Variants in KAT6A observed in about 807,000 individuals in gnomAD.
The protein encoded by KAT6A is lysine acetyltransferase 6A, also known as histone acetyltransferase KAT6A.
Under a neutral mutation model 198.4 loss-of-function variants are expected in KAT6A, and 9 were observed. The observed-to-expected ratio is 0.05, with a 90% CI of 0.03 to 0.08. The LOEUF is 0.08. Ranked by LOEUF, KAT6A falls within the 10% of genes least tolerant of loss-of-function variation. The pLI is 1.00. For missense variants in KAT6A, 2,077 were observed against 2,509.9 expected (o/e 0.83, Z 3.69); for synonymous variants, 890 against 883.0 (o/e 1.01, Z -0.14).
chr8:41,934,787 G>A lies in KAT6A; in HGVS notation c.3433C>T (p.Pro1145Ser). ...GGCCATCCCTTTTTCTTTTTCAAAG[G>A]TGTGGATGTATCTGGCTCAAGAGGA... ...NSPLEPDTST[P>S]LKKKKGWPKG... Residue 1145 changes from proline (P) to serine (S), a missense_variant, in exon 17 of 17, where the codon CCT becomes TCT. Physicochemically the swap from Pro to Ser is moderately conservative, Grantham distance 74. Around this residue, in one of 13 missense-constraint regions of KAT6A, gnomAD observed 375 missense variants for 383.0 expected, o/e 0.98. Transcript: ENST00000265713. 1 of 1,613,942 alleles carries A rather than the reference G, an allele frequency of 6.2e-7. No homozygotes were observed. Among genetic ancestry groups the A allele is most frequent in the South Asian group, 1.1e-5 (1 of 91,080 alleles).
At chr8:42,033,933 A>G (rs1033435789) in intron 2 of KAT6A, among the ~76,000 whole-genome samples, 22 of 152,206 alleles carry the variant, frequency 1.4e-4, no homozygotes, top group African/African-American at 5.3e-4. Flanking sequence ...GAGACAGGCT[A>G]AAAAAGTACT....
chr8:41,976,229 T>C (rs766582492), intron 7 of KAT6A, among the ~76,000 whole-genome samples: 29 of 152,238 alleles, frequency 1.9e-4, no homozygotes, highest in Non-Finnish European at 3.8e-4. Flanking sequence ...ACTACACCTC[T>C]GGCCCTTGTG....
chr8:42,049,727 GA>G (rs1419495834), intron 1 of KAT6A: 1 of 152,060 alleles, frequency 6.6e-6, no homozygotes, highest in Non-Finnish European at 1.5e-5. Flanking sequence ...AAGTAAAAGT[GA>G]ATCTTTCATC....
chr8:42,030,753 T>C (rs965924436), intron 2 of KAT6A, among the ~76,000 whole-genome samples: 1 of 151,876 alleles, frequency 6.6e-6, no homozygotes, highest in African/African-American at 2.4e-5. Context: ...TGTTGTTGTA[T>C]TTTTAGTAGA....
At chr8:42,040,735 C>CAAAAAAAA (rs59959496) in intron 2 of KAT6A, among the ~76,000 whole-genome samples, 71 of 54,536 alleles carry the variant, frequency 1.3e-3, no homozygotes, top group African/African-American at 3.3e-3. Flanking sequence ...GACTCTGTCT[C>CAAAAAAAA]AAAAAAAAAA....
chr8:42,029,071 A>G (rs1826981125), intron 2 of KAT6A, among the ~76,000 whole-genome samples: 1 of 152,162 alleles, frequency 6.6e-6, no homozygotes, highest in South Asian at 2.1e-4. Context: ...TGTTAGGTGT[A>G]GTATTCTTGG....
chr8:42,018,005 C>T, intron 2 of KAT6A, among the ~76,000 whole-genome samples: 1 of 152,156 alleles, frequency 6.6e-6, no homozygotes, highest in Middle Eastern at 3.2e-3. Context: ...AAGACGAGGG[C>T]ATGAACCAAG....
chr8:42,023,696 A>G (rs1826659887), intron 2 of KAT6A, among the ~76,000 whole-genome samples: 1 of 151,918 alleles, frequency 6.6e-6, no homozygotes, highest in African/African-American at 2.4e-5. Flanking sequence ...CATGTTGCCC[A>G]AGTTGGTTGC....
At chr8:42,036,050 C>T (rs1322033830) in intron 2 of KAT6A, among the ~76,000 whole-genome samples, 1 of 151,772 alleles carries the variant, frequency 6.6e-6, no homozygotes, top group Non-Finnish European at 1.5e-5. Context: ...GCAAAGCGGG[C>T]AGAAATAAGC....
At chr8:42,009,601 T>C (rs1431716756) in intron 2 of KAT6A, among the ~76,000 whole-genome samples, 2 of 151,834 alleles carry the variant, frequency 1.3e-5, no homozygotes, top group African/African-American at 2.4e-5. Flanking sequence ...ATATTAAACA[T>C]TAACATCCTT....
chr8:41,940,214 A>C (rs544964281), intron 15 of KAT6A, among the ~76,000 whole-genome samples: 1 of 152,346 alleles, frequency 6.6e-6, no homozygotes, highest in Admixed American at 6.5e-5. Flanking sequence ...GGCTTAACAG[A>C]ATTCATTATC....
intron 2 of KAT6A, among the ~76,000 whole-genome samples, chr8:42,039,491 T>C (rs1179827606): frequency 6.6e-6 from 1 of 152,196 alleles, no homozygotes; most frequent in Non-Finnish European, 1.5e-5. Context: ...TTAAGGAGAT[T>C]CTTACAGCTT....
rs748552811 is a variant in KAT6A, at chr8:41,978,781, T to TA, written c.908-5dup. The TA allele has an allele frequency of 1.5e-5, 24 of 1,611,454 alleles. No homozygotes were observed. Among genetic ancestry groups the TA allele is most frequent in the Middle Eastern group, 1.6e-4 (1 of 6,070 alleles). ...CATATTTGACATATCCACATGCCTA[T>TA]AAAAAAATAAAATTCCACATAGAAG... On this transcript the variant is annotated splice_region_variant and splice_polypyrimidine_tract_variant and intron_variant, in intron 5 of 16. Transcript: ENST00000265713.
intron 2 of KAT6A, among the ~76,000 whole-genome samples, chr8:42,015,445 A>G (rs1478077211): frequency 1.3e-5 from 2 of 152,226 alleles, no homozygotes; most frequent in Non-Finnish European, 2.9e-5. Context: ...AATTACTGCC[A>G]CTCATAAAAC....
chr8:41,967,058 A>G (rs1371739572), intron 8 of KAT6A, among the ~76,000 whole-genome samples: 1 of 152,166 alleles, frequency 6.6e-6, no homozygotes, highest in African/African-American at 2.4e-5. Flanking sequence ...AGAAATTTTA[A>G]TAACCCGCAC....
chr8:41,946,240 C>T (rs2150865095), intron 12 of KAT6A, among the ~76,000 whole-genome samples: 1 of 151,978 alleles, frequency 6.6e-6, no homozygotes, highest in Admixed American at 6.6e-5. Context: ...TAGGTGGAAC[C>T]CTAGGTACAT....
chr8:42,011,111 T>TA (rs1163369048), intron 2 of KAT6A, among the ~76,000 whole-genome samples: 1 of 152,190 alleles, frequency 6.6e-6, no homozygotes, highest in Non-Finnish European at 1.5e-5. Context: ...TCGCCCTTTT[T>TA]ACTCAAGGGC....
At chr8:42,001,322 C>A (rs1414991235) in intron 2 of KAT6A, among the ~76,000 whole-genome samples, 1 of 152,118 alleles carries the variant, frequency 6.6e-6, no homozygotes, top group African/African-American at 2.4e-5. Context: ...TTTAACACAG[C>A]ACATTAGTGT....
intron 2 of KAT6A, among the ~76,000 whole-genome samples, chr8:42,035,215 T>C (rs1039109189): frequency 1.3e-5 from 2 of 152,190 alleles, no homozygotes; most frequent in African/African-American, 2.4e-5. Flanking sequence ...AAGTGAGGTA[T>C]GGAAGATGAC....
Sources: allele counts gnomAD v4.1 joint callset (sites outside exome capture counted in the v4.1 genomes callset), GRCh38; gene constraint gnomAD v4.1.1; regional missense constraint gnomAD v4.1.1; transcripts MANE v1.5; gene names NCBI Gene and HGNC (gene_info 2026-07-23, HGNC 2026-07-21).